CC2D2B: variants seen among roughly 807,000 people sequenced by gnomAD.
CC2D2B encodes the protein coiled-coil and C2 domain containing 2B.
A neutral mutation model predicts 161.2 loss-of-function variants in CC2D2B; 128 were observed. The observed-to-expected ratio is 0.79, with a 90% confidence interval of 0.69 to 0.92. The LOEUF (loss-of-function observed/expected upper bound fraction) is 0.92, where lower values mean the gene tolerates loss of function less well. CC2D2B is among the 40% of genes least tolerant of loss of function. The probability of loss-of-function intolerance (pLI) is 0.00; values close to 1 mark genes in which losing one functional copy is unlikely to be tolerated. For missense variants in CC2D2B, 1,173 were observed against 1,375.1 expected (o/e 0.85, Z 2.32); for synonymous variants, 391 against 449.8 (o/e 0.87, Z 1.65).
intron 16 of CC2D2B, 50 bp downstream of exon 16, chr10:95,972,266 A>T (rs961132833): frequency 6.0e-5 from 69 of 1,157,946 alleles, no homozygotes; most frequent in Non-Finnish European, 7.5e-5. Flanking sequence ...CCTGAGTACC[A>T]TATTCCTAAG....
chr10:95,967,199 G>C (rs2076969013), intron 14 of CC2D2B, among the ~76,000 whole-genome samples: 1 of 152,114 alleles, frequency 6.6e-6, no homozygotes. Context: ...CAGCAGTGGA[G>C]AAATCCTTTA....
At chr10:96,028,526 G>A (rs1202119426) in intron 34 of CC2D2B, among the ~76,000 whole-genome samples, 1 of 152,144 alleles carries the variant, frequency 6.6e-6, no homozygotes, top group African/African-American at 2.4e-5. Context: ...ACCGTTAGTG[G>A]GAATGTAAAT....
At chr10:95,968,342 G>A (rs754523734) in intron 14 of CC2D2B, among the ~76,000 whole-genome samples, 17 of 152,088 alleles carry the variant, frequency 1.1e-4, no homozygotes, top group Admixed American at 2.0e-4. Context: ...TTAAAGTTAG[G>A]AAATATTTTT....
chr10:95,928,601 C>T (rs889885770), intron 6 of CC2D2B, among the ~76,000 whole-genome samples: 1 of 152,120 alleles, frequency 6.6e-6, no homozygotes, highest in African/African-American at 2.4e-5. Context: ...TGTTCCCTTC[C>T]CTGTGTCCAT....
At chr10:96,022,333 A>G (rs999281159) in intron 32 of CC2D2B, among the ~76,000 whole-genome samples, 1 of 151,918 alleles carries the variant, frequency 6.6e-6, no homozygotes, top group Non-Finnish European at 1.5e-5. Flanking sequence ...GAAAAAAAAA[A>G]GTGATGGGTT....
chr10:95,932,132 A>G (rs12761082), intron 6 of CC2D2B, among the ~76,000 whole-genome samples: 21,169 of 152,182 alleles, frequency 0.14, 1,561 homozygotes, highest in Middle Eastern at 0.2. Context: ...ACCATTATGT[A>G]ATGCCCTTCT....
At position 95,938,081 on chromosome 10, in the gene CC2D2B, G is replaced by C. The variant is rs924320099; in HGVS notation, c.427G>C (p.Glu143Gln). The change falls in exon 7 of 35, where the codon GAA becomes CAA. Residue 143 changes from glutamate (E) to glutamine (Q), a missense_variant. Glu to Gln is a conservative substitution (Grantham distance 29). Transcript: ENST00000646931. The part of the protein sequence containing the change: ...AESEEEEFMK[E>Q]FILTDILKVK... ...GAGTGAAGAGGAAGAGTTTATGAAAGAATTCATTTTGACAGATATACTCAA... is the reference window on the plus strand; with the variant it reads ...GAGTGAAGAGGAAGAGTTTATGAAACAATTCATTTTGACAGATATACTCAA... 2.1e-5 allele frequency: 32 copies of C among 1,549,756 alleles called. No homozygotes were observed. Among genetic ancestry groups the C allele is most frequent in the Non-Finnish European group, 1.7e-6 (2 of 1,145,436 alleles).
At chr10:95,981,164 G>C (rs774376580) in intron 17 of CC2D2B, among the ~76,000 whole-genome samples, 2 of 152,040 alleles carry the variant, frequency 1.3e-5, no homozygotes, top group African/African-American at 2.4e-5. Flanking sequence ...GAGGCCAAGG[G>C]GGGCGGATCA....
At chr10:95,908,259 T>C (rs2098499628) in intron 1 of CC2D2B, among the ~76,000 whole-genome samples, 1 of 152,138 alleles carries the variant, frequency 6.6e-6, no homozygotes, top group East Asian at 1.9e-4. Context: ...GAATTGAAAA[T>C]CACTCGAGAG....
chr10:96,027,123 CAAA>C (rs372010486), intron 33 of CC2D2B, 86 bp from the exon 34 acceptor site: 345 of 779,512 alleles, frequency 4.4e-4, no homozygotes, highest in South Asian at 7.1e-4. Context: ...GACTTCGTCT[CAAA>C]AAAAAAAAAA....
At chr10:95,970,410 G>A (rs11188539) in intron 15 of CC2D2B, among the ~76,000 whole-genome samples, 49 of 152,178 alleles carry the variant, frequency 3.2e-4, no homozygotes, top group African/African-American at 9.9e-4. Context: ...TTTCCCACAC[G>A]TGCTTGTAAT....
rs2080082009 is a variant in CC2D2B, at chr10:96,031,894, T to C, written c.4200T>C (p.Ile1400=). The C allele has an allele frequency of 1.2e-6, 2 of 1,613,680 alleles. No individual in the cohort carries two copies. Among genetic ancestry groups the C allele is most frequent in the Admixed American group, 1.7e-5 (1 of 59,984 alleles). ...TTGATGCTGTTTATCAAACTGGAATTCACTCTGCTGAATTTCCCCAGACAG... is the reference window on the plus strand; with the variant it reads ...TTGATGCTGTTTATCAAACTGGAATCCACTCTGCTGAATTTCCCCAGACAG... The part of the protein sequence containing the change: ...SIIDAVYQTG[I]HSAEFPQTEF... The change falls in exon 35 of 35, where the codon ATT becomes ATC. Residue 1400 remains isoleucine, a synonymous_variant. Coordinates refer to ENST00000646931, the MANE Select transcript of CC2D2B (RefSeq NM_001349008.3).
chr10:96,029,292 A>ATATGTATATCTATATATATATG (rs1363982402), intron 34 of CC2D2B, among the ~76,000 whole-genome samples: 6,076 of 103,514 alleles, frequency 0.059, 329 homozygotes, highest in Middle Eastern at 0.087. Context: ...ATATGTATAT[A>ATATGTATATCTATATATATATG]TATATATATA....
chr10:96,015,128 G>A lies in CC2D2B; in HGVS notation c.3517-1073G>A, dbSNP rs371586938. On this transcript the variant is annotated intron_variant, in intron 29 of 34. Coordinates refer to ENST00000646931, the MANE Select transcript of CC2D2B (RefSeq NM_001349008.3). ...TCGCCAGGCTGGAGTGCAGTGGCACGATCTCGACTCACTGCAACCTCTAAC... is the reference window on the plus strand; with the variant it reads ...TCGCCAGGCTGGAGTGCAGTGGCACAATCTCGACTCACTGCAACCTCTAAC... Among the ~76,000 whole-genome samples, 22 of 151,062 alleles carry A rather than the reference G, an allele frequency of 1.5e-4. No individual in the cohort carries two copies. In the South Asian group the frequency reaches 3.8e-3, roughly 26 times the overall value.
intron 6 of CC2D2B, among the ~76,000 whole-genome samples, chr10:95,935,079 C>T (rs759990037): frequency 1.7e-4 from 26 of 152,272 alleles, no homozygotes; most frequent in Admixed American, 3.9e-4. Flanking sequence ...CTGTGTTGGC[C>T]AGGCTGGTCT....
intron 1 of CC2D2B, among the ~76,000 whole-genome samples, chr10:95,910,245 T>C (rs921491948): frequency 6.6e-6 from 1 of 152,252 alleles, no homozygotes; most frequent in Non-Finnish European, 1.5e-5. Flanking sequence ...TTAACCGTCA[T>C]GTTGAATGAT....
chr10:95,963,100 C>G (rs2076823605), intron 12 of CC2D2B, among the ~76,000 whole-genome samples: 1 of 152,170 alleles, frequency 6.6e-6, no homozygotes, highest in African/African-American at 2.4e-5. Context: ...TTCAATTTGT[C>G]TCTCCAGACT....
chr10:95,951,001 T>G (rs552613969), intron 10 of CC2D2B, among the ~76,000 whole-genome samples: 29 of 152,200 alleles, frequency 1.9e-4, no homozygotes, highest in South Asian at 4.2e-4. Flanking sequence ...GTATTTTCAG[T>G]AGAGATGGGG....
chr10:95,996,092 C>A, intron 23 of CC2D2B, 51 bp from the exon 24 acceptor site: 1 of 793,934 alleles, frequency 1.3e-6, no homozygotes, highest in Non-Finnish European at 1.9e-6. Context: ...CTACCTTTAT[C>A]GACTATATAT....
Sources: allele counts gnomAD v4.1 joint callset (sites outside exome capture counted in the v4.1 genomes callset), GRCh38; gene constraint gnomAD v4.1.1; transcripts MANE v1.5; gene names NCBI Gene and HGNC (gene_info 2026-07-23, HGNC 2026-07-21).